The following MECOM variants were observed in gnomAD, a reference collection of about 807,000 sequenced individuals.
The protein encoded by MECOM is MDS1 and EVI1 complex locus, also known as histone-lysine N-methyltransferase MECOM.
A neutral mutation model predicts 116.3 loss-of-function variants in MECOM; 13 were observed. The observed-to-expected ratio is 0.11, with a 90% confidence interval of 0.07 to 0.18. The LOEUF is 0.18. MECOM is among the 10% of genes least tolerant of loss of function. MECOM has a pLI of 1.00. For synonymous variants in MECOM, 528 were observed against 535.2 expected, an observed-to-expected ratio of 0.99 and a Z score of 0.19; for missense variants, 1,299 against 1,509.0, an observed-to-expected ratio of 0.86 and a Z score of 2.31.
chr3:169,550,471 G>C (rs1219013523), intron 1 of MECOM, among the ~76,000 whole-genome samples: 2 of 152,228 alleles, frequency 1.3e-5, no homozygotes, highest in Non-Finnish European at 2.9e-5. Flanking sequence ...AGCAGAGCAT[G>C]AATATGAGAG....
At chr3:169,176,807 G>C (rs1745231552) in intron 2 of MECOM, among the ~76,000 whole-genome samples, 1 of 151,996 alleles carries the variant, frequency 6.6e-6, no homozygotes, top group Admixed American at 6.6e-5. Flanking sequence ...AGTTGTCAAA[G>C]AATATGAACA....
intron 1 of MECOM, among the ~76,000 whole-genome samples, chr3:169,619,487 T>TCTCCCCTCACTGTCTCTTTC (rs1409735777): frequency 5.3e-5 from 8 of 152,056 alleles, no homozygotes; most frequent in African/African-American, 1.4e-4. Context: ...CTGTCACTTT[T>TCTCCCCTCACTGTCTCTTTC]CTCCCCTCAC....
chr3:169,240,761 G>A (rs1046447130), intron 2 of MECOM, among the ~76,000 whole-genome samples: 5 of 152,110 alleles, frequency 3.3e-5, no homozygotes, highest in Non-Finnish European at 5.9e-5. Flanking sequence ...GCCAGCCAGT[G>A]GTAGAAAAGG....
chr3:169,350,308 C>A (rs954032823), intron 2 of MECOM, among the ~76,000 whole-genome samples: 5 of 151,950 alleles, frequency 3.3e-5, no homozygotes, highest in East Asian at 3.9e-4. Flanking sequence ...AGTTGGGTGA[C>A]CTTGAGCAAG....
intron 1 of MECOM, among the ~76,000 whole-genome samples, chr3:169,557,329 A>G (rs989651263): frequency 9.2e-5 from 14 of 152,194 alleles, no homozygotes; most frequent in Non-Finnish European, 1.9e-4. Flanking sequence ...TAAAAGGAAA[A>G]AAAAGGGAAC....
intron 2 of MECOM, among the ~76,000 whole-genome samples, chr3:169,351,598 C>A (rs942955841): frequency 6.6e-6 from 1 of 151,810 alleles, no homozygotes; most frequent in Admixed American, 6.6e-5. Context: ...AAGCTGATAA[C>A]GGTCATTTTT....
intron 9 of MECOM, among the ~76,000 whole-genome samples, chr3:169,111,683 G>A (rs1309699826): frequency 6.6e-6 from 1 of 151,970 alleles, no homozygotes; most frequent in Non-Finnish European, 1.5e-5. Context: ...CATTTTGAAA[G>A]GGAGTGAGAG....
intron 1 of MECOM, among the ~76,000 whole-genome samples, chr3:169,599,615 A>G (rs1406396527): frequency 6.6e-6 from 1 of 152,218 alleles, no homozygotes; most frequent in African/African-American, 2.4e-5. Flanking sequence ...CTGGTTCCCA[A>G]TATAAGCTTT....
intron 2 of MECOM, among the ~76,000 whole-genome samples, chr3:169,271,386 C>T (rs6786759): frequency 0.036 from 5,547 of 152,240 alleles, 270 homozygotes; most frequent in African/African-American, 0.11. Flanking sequence ...ATCAAATAAT[C>T]GCTAAATTAC....
intron 2 of MECOM, among the ~76,000 whole-genome samples, chr3:169,263,340 A>G (rs1013671784): frequency 3.3e-5 from 5 of 151,188 alleles, no homozygotes; most frequent in South Asian, 2.1e-4. Context: ...GTGTTAGCCA[A>G]GATGGTCTCG....
At chr3:169,289,358 C>T (rs1577601114) in intron 2 of MECOM, among the ~76,000 whole-genome samples, 1 of 152,114 alleles carries the variant, frequency 6.6e-6, no homozygotes, top group South Asian at 2.1e-4. Flanking sequence ...CTTCATTGCC[C>T]ACTAATAGAG....
In MECOM at chr3:169,344,218, A is replaced by G. The variant is rs533846310; in HGVS notation, c.375+36969T>C. ...GTGTGTATGGATGTGTGTCTATATC[A>G]TGTAAATGACATATATGTGTTTTTT... On this transcript the variant is annotated intron_variant, in intron 2 of 16. Transcript: ENST00000651503. 1.4e-3 allele frequency among the ~76,000 whole-genome samples: 206 copies of G among 152,252 alleles called. 3 individuals are homozygous for G. Among genetic ancestry groups the G allele is most frequent in the African/African-American group, 4.9e-3 (202 of 41,552 alleles).
intron 1 of MECOM, among the ~76,000 whole-genome samples, chr3:169,637,937 A>G (rs1202330025): frequency 1.3e-5 from 2 of 152,244 alleles, no homozygotes; most frequent in African/African-American, 4.8e-5. Flanking sequence ...GGTAAACTCT[A>G]TAAAGTAAAC....
chr3:169,513,851 C>A (rs1475437275), intron 1 of MECOM, among the ~76,000 whole-genome samples: 6 of 152,198 alleles, frequency 3.9e-5, no homozygotes, highest in African/African-American at 1.4e-4. Flanking sequence ...ACACCAGGCA[C>A]ACCTGCAACC....
chr3:169,633,279 T>C (rs894431542), intron 1 of MECOM, among the ~76,000 whole-genome samples: 1 of 152,214 alleles, frequency 6.6e-6, no homozygotes, highest in Non-Finnish European at 1.5e-5. Flanking sequence ...GAGAAACACA[T>C]TGTCAATTTA....
rs187978653 is a variant in MECOM, at chr3:169,437,321, C to A, written c.38-55797G>T. ...GGAAAATGTATTGGTTAACTAAAATCAATCTATTAAATTGGGTCTCAGATA... is the reference window on the plus strand; with the variant it reads ...GGAAAATGTATTGGTTAACTAAAATAAATCTATTAAATTGGGTCTCAGATA... On this transcript the variant is annotated intron_variant, in intron 1 of 16. Coordinates refer to ENST00000651503, the MANE Select transcript of MECOM (RefSeq NM_004991.4). Among the ~76,000 whole-genome samples the A allele has an allele frequency of 3.7e-3, 569 of 152,280 alleles. 3 individuals carry two copies. The highest frequency in any genetic ancestry group is 0.01 in the Middle Eastern group (3 of 294).
At chr3:169,464,873 A>C (rs2108755326) in intron 1 of MECOM, among the ~76,000 whole-genome samples, 1 of 152,252 alleles carries the variant, frequency 6.6e-6, no homozygotes, top group Admixed American at 6.6e-5. Context: ...TAAATTAAAC[A>C]TTAAATAGTA....
chr3:169,149,625 G>C (rs751962511), intron 2 of MECOM: 1 of 471,106 alleles, frequency 2.1e-6, no homozygotes, highest in South Asian at 1.6e-5. Context: ...TCCGAGCTAC[G>C]AGAGGAAGGC....
At chr3:169,175,177 G>A (rs927868437) in intron 2 of MECOM, among the ~76,000 whole-genome samples, 1 of 152,000 alleles carries the variant, frequency 6.6e-6, no homozygotes, top group Non-Finnish European at 1.5e-5. Flanking sequence ...CAACATATCA[G>A]GCATGTTTTC....
Sources: gnomAD v4.1 joint callset for allele counts (sites outside exome capture counted in the v4.1 genomes callset) on GRCh38, gnomAD v4.1.1 for gene constraint, MANE v1.5 for transcripts, NCBI Gene and HGNC (gene_info 2026-07-23, HGNC 2026-07-21) for gene names.